RGL3: variants seen among roughly 807,000 people sequenced by gnomAD.
RGL3 encodes the protein ral guanine nucleotide dissociation stimulator-like 3.
A neutral mutation model predicts 90.6 loss-of-function variants in RGL3; 85 were observed. The observed-to-expected ratio is 0.94, with a 90% CI of 0.79 to 1.12. The LOEUF (loss-of-function observed/expected upper bound fraction) is 1.12, where lower values mean the gene tolerates loss of function less well. Among genes scored for constraint, RGL3 ranks in the 50% most tolerant of loss-of-function variants. The probability of loss-of-function intolerance (pLI) is 0.00; values close to 1 mark genes in which losing one functional copy is unlikely to be tolerated. For synonymous variants in RGL3, 408 were observed against 385.5 expected (o/e 1.06, Z -0.68); for missense variants, 1,034 against 939.2 (o/e 1.10, Z -1.32).
intron 18 of RGL3, 28 bp from the exon 19 acceptor site, chr19:11,394,548 AGG>A (rs778607396): frequency 1.4e-5 from 21 of 1,545,810 alleles, no homozygotes; most frequent in Non-Finnish European, 1.9e-5. Context: ...TGGTGGTAAT[AGG>A]CCCTCACAAC....
intron 7 of RGL3, among the ~76,000 whole-genome samples, 177 bp downstream of exon 7, chr19:11,406,242 C>T (rs1599435981): frequency 6.6e-6 from 1 of 152,204 alleles, no homozygotes; most frequent in East Asian, 1.9e-4. Flanking sequence ...GTCGTGCCCG[C>T]GGCCTCTCTG....
chr19:11,397,283 AG>A lies in RGL3; in HGVS notation c.1974del (p.Cys659ValfsTer16). On this transcript the variant is annotated frameshift_variant, in exon 18 of 19. Transcript: ENST00000380456. LOFTEE classifies it low-confidence loss of function (END_TRUNC). ...LQKHNVPQPW[A>X]CDYQLFQVLP... ...AGGACTTGAAAGAGCTGATAGTCAC[AG>A]GCCCAGGGCTGGGGCACATTGTGCT... is the stretch of plus-strand genomic sequence containing the variant. The A allele has an allele frequency of 6.2e-7, 1 of 1,613,798 alleles. No individual in the cohort carries two copies. The highest frequency in any genetic ancestry group is 8.5e-7 in the Non-Finnish European group (1 of 1,179,894).
chr19:11,399,102 C>A (rs1968626917), intron 16 of RGL3, among the ~76,000 whole-genome samples: 1 of 152,114 alleles, frequency 6.6e-6, no homozygotes, highest in Non-Finnish European at 1.5e-5. Flanking sequence ...CTACACCCAG[C>A]TAATTTTTTT....
At chr19:11,403,640 CAAAAAAAAAAAA>C (rs889376839) in intron 9 of RGL3, among the ~76,000 whole-genome samples, 7 of 49,388 alleles carry the variant, frequency 1.4e-4, no homozygotes, top group South Asian at 9.1e-4. Flanking sequence ...AACTCCATCT[CAAAAAAAAAAAA>C]AAAAAAAAAA....
In RGL3 at chr19:11,416,924, C is replaced by T. The variant is rs778182703; in HGVS notation, c.283G>A (p.Ala95Thr). 2.9e-5 allele frequency: 46 copies of T among 1,613,920 alleles called. No homozygotes were observed. Among genetic ancestry groups the T allele is most frequent in the African/African-American group, 2.0e-4 (15 of 74,868 alleles). ...AAGGTCCGGTAGGTGGCCAGGAAGG[C>T]GGGCATGAAGCTGGGGTCCTGCTCA... is the stretch of plus-strand genomic sequence containing the variant. ...DREQDPSFMP[A>T]FLATYRTFVP... The change falls in exon 3 of 19, where the codon GCC becomes ACC. Residue 95 changes from alanine to threonine, a missense_variant. Transcript: ENST00000380456.
At chr19:11,408,985 G>A (rs909885298) in intron 5 of RGL3, 2 of 151,794 alleles carry the variant, frequency 1.3e-5, no homozygotes, top group African/African-American at 2.4e-5. Flanking sequence ...GAGACCAGTC[G>A]GGCCAACATG....
chr19:11,416,847 G>A lies in RGL3; in HGVS notation c.360C>T (p.Pro120=). The change falls in exon 3 of 19, where the codon CCC becomes CCT. Residue 120 remains proline, a synonymous_variant. Transcript: ENST00000380456. ...LGFLLPPMPP[P]PPPGVEIKKT... is the part of the protein sequence containing the mutation. ...GGTTCGCTACTGACCCGGGAGGTGG[G>A]GGCGGTGGCATTGGTGGCAGCAGAA... The A allele has an allele frequency of 6.2e-7, 1 of 1,613,772 alleles. No homozygotes were observed. Among genetic ancestry groups the A allele is most frequent in the Non-Finnish European group, 8.5e-7 (1 of 1,179,862 alleles).
intron 5 of RGL3, 152 bp downstream of exon 5, chr19:11,415,785 A>C (rs1968982092): frequency 2.6e-6 from 2 of 755,932 alleles, no homozygotes; most frequent in African/African-American, 3.6e-5. Flanking sequence ...ACAAAGAATT[A>C]TTATCCCCAT....
intron 5 of RGL3, among the ~76,000 whole-genome samples, chr19:11,411,661 A>C (rs1286879509): frequency 6.6e-6 from 1 of 152,164 alleles, no homozygotes; most frequent in Non-Finnish European, 1.5e-5. Context: ...TCGCTCTGTC[A>C]CCTAGGCTGG....
chr19:11,414,708 T>C (rs1242472641), intron 5 of RGL3, among the ~76,000 whole-genome samples: 1 of 151,084 alleles, frequency 6.6e-6, no homozygotes, highest in Non-Finnish European at 1.5e-5. Context: ...AAGATGATAC[T>C]TCCTAAGCAG....
intron 5 of RGL3, among the ~76,000 whole-genome samples, chr19:11,414,507 A>ATATATATACC (rs1555720252): frequency 8.9e-6 from 1 of 112,300 alleles, no homozygotes; most frequent in African/African-American, 3.7e-5. Flanking sequence ...ATATATATAT[A>ATATATATACC]TATATATATA....
rs1297228212 is a variant in RGL3 at position 11,406,587 on chromosome 19, C to A, written c.828G>T (p.Trp276Cys). The change falls in exon 7 of 19, where the codon TGG becomes TGT. Residue 276 changes from tryptophan (W) to cysteine (C), a missense_variant. Trp to Cys is a radical substitution (Grantham distance 215, BLOSUM62 -2). Coordinates refer to ENST00000380456, the MANE Select transcript of RGL3 (RefSeq NM_001035223.4). Reference sequence around the variant, plus strand: ...CAGCCCCCGGCCGGTCCCTCTGCGACCACACGGAGCCCAAGCACTCGTAGA... The same window carrying A: ...CAGCCCCCGGCCGGTCCCTCTGCGAACACACGGAGCCCAAGCACTCGTAGA... ...VRLYECLGSV[W>C]SQRDRPGAAG... 11 of 1,552,452 alleles carry A rather than the reference C, an allele frequency of 7.1e-6. No homozygotes were observed. The highest frequency in any genetic ancestry group is 7.8e-6 in the Non-Finnish European group (9 of 1,148,240).
Position 11,397,448 on chromosome 19 carries a change from G to C in RGL3, c.1896C>G (p.Ile632Met), listed in dbSNP as rs1968595214. Residue 632 changes from isoleucine to methionine, a missense_variant, in exon 17 of 19, where the codon ATC (isoleucine) becomes ATG (methionine). Physicochemically the swap from Ile to Met is conservative, Grantham distance 10. Coordinates refer to ENST00000380456, the MANE Select transcript of RGL3 (RefSeq NM_001035223.4). ...DNDHGNLYRS[I>M]LLTSQDKAPS... is the part of the protein sequence containing the mutation. ...GACCCCCAGCCCAGCCCCTCACCAAGATGCTTCGATACAGGTTCCCGTGGT... is the reference window on the plus strand; with the variant it reads ...GACCCCCAGCCCAGCCCCTCACCAACATGCTTCGATACAGGTTCCCGTGGT... The C allele has an allele frequency of 1.2e-6, 2 of 1,605,240 alleles. No individual in the cohort carries two copies. The highest frequency in any genetic ancestry group is 1.7e-6 in the Non-Finnish European group (2 of 1,174,308).
At chr19:11,402,971 G>A (rs1477922630) in intron 9 of RGL3, among the ~76,000 whole-genome samples, 1 of 152,012 alleles carries the variant, frequency 6.6e-6, no homozygotes, top group Non-Finnish European at 1.5e-5. Context: ...AGCCGGGTAT[G>A]GTGGCTCACA....
rs769639500 is a variant in RGL3, at chr19:11,399,958, G to A, written c.1650-7C>T. 1.3e-6 allele frequency: 2 copies of A among 1,567,288 alleles called. No individual in the cohort carries two copies. Among genetic ancestry groups the A allele is most frequent in the East Asian group, 2.4e-5 (1 of 42,068 alleles). ...GGGTGACCCTGGGGACACACTGGGGGAGATGCAGAGGCTGAGGTGGGGTGG... is the reference window on the plus strand; with the variant it reads ...GGGTGACCCTGGGGACACACTGGGGAAGATGCAGAGGCTGAGGTGGGGTGG... On this transcript the variant is annotated splice_region_variant and splice_polypyrimidine_tract_variant and intron_variant, in intron 15 of 18. Transcript: ENST00000380456.
rs776268747 is a variant in RGL3 at position 11,402,491 on chromosome 19, C to A, written c.1293G>T (p.Leu431=). Residue 431 remains leucine (L), a synonymous_variant, in exon 11 of 19, where the codon CTG becomes CTT. Transcript: ENST00000380456. ...CCGGCAGGGCTGTGTCCAGCATAACCAGGTCCGTAAGGAAGGTGCCAAGGT... is the reference window on the plus strand; with the variant it reads ...CCGGCAGGGCTGTGTCCAGCATAACAAGGTCCGTAAGGAAGGTGCCAAGGT... The part of the protein sequence containing the change: ...VPYLGTFLTD[L]VMLDTALPDM... 2.5e-6 allele frequency: 4 copies of A among 1,605,142 alleles called. No homozygotes were observed. Among genetic ancestry groups the A allele is most frequent in the African/African-American group, 1.3e-5 (1 of 74,312 alleles).
chr19:11,406,366 T>A (rs1187850216), intron 7 of RGL3, 53 bp downstream of exon 7: 1 of 1,489,212 alleles, frequency 6.7e-7, no homozygotes, highest in Non-Finnish European at 9.0e-7. Flanking sequence ...CCTCATTTTT[T>A]CCCCTTGCCC....
In RGL3 at chr19:11,414,464, C is replaced by CATAT. The variant is rs1226288918; in HGVS notation, c.637+1469_637+1472dup. Among the ~76,000 whole-genome samples the CATAT allele has an allele frequency of 8.6e-3, 373 of 43,248 alleles. 17 individuals carry two copies. The highest frequency in any genetic ancestry group is 0.028 in the African/African-American group (258 of 9,304). The allele number at this position is 43,248 out of a possible 152,430, so 28.4% of individuals were successfully genotyped here. A position where few individuals can be genotyped will look rare whatever the true frequency, so the allele number is the denominator to read the frequency against. ...ATATATACATATATATATATACCTTCATATATATATATATATATACACCTT... is the reference window on the plus strand; with the variant it reads ...ATATATACATATATATATATACCTTCATATATATATATATATATATATACACCTT... On this transcript the variant is annotated intron_variant, in intron 5 of 18. Coordinates refer to ENST00000380456, the MANE Select transcript of RGL3 (RefSeq NM_001035223.4).
chr19:11,416,823 G>T lies in RGL3; in HGVS notation c.371+13C>A, dbSNP rs1969008072. On this transcript the variant is annotated intron_variant, in intron 3 of 18. Transcript: ENST00000380456. ...TAGGGTGGAGAATACGGAGGTTATG[G>T]TTCGCTACTGACCCGGGAGGTGGGG... is the stretch of plus-strand genomic sequence containing the variant. 1.9e-6 allele frequency: 3 copies of T among 1,612,910 alleles called. No homozygotes were observed. The highest frequency in any genetic ancestry group is 1.7e-4 in the Middle Eastern group (1 of 6,054).
Sources: allele counts gnomAD v4.1 joint callset (sites outside exome capture counted in the v4.1 genomes callset), GRCh38; gene constraint gnomAD v4.1.1; transcripts MANE v1.5; gene names NCBI Gene and HGNC (gene_info 2026-07-23, HGNC 2026-07-21).